The following WDR59 variants were observed in gnomAD, a reference collection of about 807,000 sequenced individuals.
The protein encoded by WDR59 is GATOR2 complex protein WDR59.
In WDR59, 100 loss-of-function variants were observed where a neutral mutation model predicts 131.2. The ratio of observed to expected loss-of-function variants is 0.76; its 90% CI spans 0.65 to 0.90. The LOEUF (loss-of-function observed/expected upper bound fraction) is 0.90. Among genes scored for constraint, WDR59 ranks in the 40% least tolerant of loss-of-function variants. WDR59 has a pLI of 0.00. For synonymous variants in WDR59, 601 were observed against 466.2 expected (o/e 1.29, Z -3.72); for missense variants, 1,203 against 1,262.2 (o/e 0.95, Z 0.71).
chr16:74,903,922 C>CAA, intron 18 of WDR59, 25 bp downstream of exon 18: 1 of 1,594,752 alleles, frequency 6.3e-7, no homozygotes, highest in Middle Eastern at 2.3e-4. Context: ...GGGTAAGAAT[C>CAA]AAAGGCTACG....
chr16:74,876,745 G>A (rs1277626870), intron 25 of WDR59, among the ~76,000 whole-genome samples: 1 of 152,132 alleles, frequency 6.6e-6, no homozygotes, highest in Non-Finnish European at 1.5e-5. Flanking sequence ...CCTCTGCCCT[G>A]TATATACACA....
chr16:74,915,246 T>C (rs1177616178), intron 13 of WDR59, among the ~76,000 whole-genome samples: 2 of 152,034 alleles, frequency 1.3e-5, no homozygotes, highest in Non-Finnish European at 2.9e-5. Context: ...CTCTGCCAAA[T>C]CACTAAGCCT....
intron 7 of WDR59, among the ~76,000 whole-genome samples, chr16:74,941,571 ATAGTCC>A (rs141325768): frequency 4.0e-5 from 6 of 151,694 alleles, no homozygotes; most frequent in African/African-American, 1.5e-4. Flanking sequence ...GTGTGCACCT[ATAGTCC>A]CAGCTACTGG....
At chr16:74,917,800 C>T (rs1030049928) in intron 11 of WDR59, 129 bp downstream of exon 11, 4 of 710,884 alleles carry the variant, frequency 5.6e-6, no homozygotes, top group South Asian at 1.9e-5. Context: ...TTCAGTGAGA[C>T]GCACTCTCAA....
chr16:74,942,069 T>A (rs1198372590), intron 7 of WDR59, among the ~76,000 whole-genome samples: 2 of 152,084 alleles, frequency 1.3e-5, no homozygotes, highest in Non-Finnish European at 2.9e-5. Flanking sequence ...GGAGGCCTTT[T>A]CCCTGTGCCA....
chr16:74,958,239 A>T (rs995288661), intron 2 of WDR59, among the ~76,000 whole-genome samples: 1 of 152,110 alleles, frequency 6.6e-6, no homozygotes, highest in Admixed American at 6.6e-5. Context: ...ACCTCCAAAG[A>T]CAAAGAAAAT....
intron 20 of WDR59, among the ~76,000 whole-genome samples, chr16:74,890,708 A>G (rs570069172): frequency 6.6e-6 from 1 of 152,190 alleles, no homozygotes; most frequent in Non-Finnish European, 1.5e-5. Context: ...TTGAAATCCC[A>G]TGGGGCCTGG....
intron 18 of WDR59, among the ~76,000 whole-genome samples, chr16:74,899,546 A>G (rs546705989): frequency 6.6e-6 from 1 of 151,882 alleles, no homozygotes; most frequent in Non-Finnish European, 1.5e-5. Context: ...TGGTGTCTGA[A>G]CTCCCCCAAG....
chr16:74,945,920 C>A (rs1183040144), intron 6 of WDR59, among the ~76,000 whole-genome samples: 1 of 150,982 alleles, frequency 6.6e-6, no homozygotes, highest in African/African-American at 2.4e-5. Context: ...CAGGTTCAAG[C>A]AATTCTCCTG....
intron 8 of WDR59, among the ~76,000 whole-genome samples, chr16:74,925,809 A>G (rs904803722): frequency 1.3e-5 from 2 of 151,782 alleles, no homozygotes; most frequent in Non-Finnish European, 2.9e-5. Flanking sequence ...TAGGTGGATC[A>G]CTTGAGGCCA....
chr16:74,896,478 T>C (rs1447081261), intron 18 of WDR59, among the ~76,000 whole-genome samples: 1 of 151,908 alleles, frequency 6.6e-6, no homozygotes, highest in Non-Finnish European at 1.5e-5. Flanking sequence ...ATACAAAATA[T>C]ACAAAAATTA....
chr16:74,887,605 G>A lies in WDR59; in HGVS notation c.2419+78C>T, dbSNP rs1292260753. The A allele has an allele frequency of 1.7e-5, 22 of 1,284,342 alleles. No individual in the cohort carries two copies. The Admixed American group carries it at 4.3e-4, about 25-fold the overall frequency. 79.6% of individuals were successfully genotyped at this position (1,284,342 alleles called of 1,614,324 possible). On this transcript the variant is annotated intron_variant, in intron 23 of 25. Transcript: ENST00000262144. The stretch of plus-strand genomic sequence containing the variant: ...AAATAAGAAAAAATATGGAGACTAA[G>A]CATCAACTAAAGGTTACATATGCAC...
Position 74,889,721 on chromosome 16 carries a change from C to G in WDR59, c.2177G>C (p.Arg726Pro). The G allele has an allele frequency of 6.2e-7, 1 of 1,613,790 alleles. No individual in the cohort carries two copies. Among genetic ancestry groups the G allele is most frequent in the Non-Finnish European group, 8.5e-7 (1 of 1,179,940 alleles). The change falls in exon 21 of 26, where the codon CGG becomes CCG. Residue 726 changes from arginine (R) to proline (P), a missense_variant. Physicochemically the swap from Arg to Pro is moderately radical, Grantham distance 103. Coordinates refer to ENST00000262144, the MANE Select transcript of WDR59 (RefSeq NM_030581.4). Reference sequence around the variant, plus strand: ...AACCTACAGGGACTCCAGCAGCTGCCGCCCAAATGGATGTCGAGCCCAGGG... The same window carrying G: ...AACCTACAGGGACTCCAGCAGCTGCGGCCCAAATGGATGTCGAGCCCAGGG... ...ETPWARHPFG[R>P]QLLESLLAHY...
intron 1 of WDR59, among the ~76,000 whole-genome samples, chr16:74,971,114 A>G (rs918102156): frequency 2.0e-5 from 3 of 152,094 alleles, no homozygotes; most frequent in Non-Finnish European, 4.4e-5. Flanking sequence ...TCCAGCTCAC[A>G]ATGTGCCAAG....
At chr16:74,967,524 G>A (rs1265547106) in intron 1 of WDR59, among the ~76,000 whole-genome samples, 1 of 152,062 alleles carries the variant, frequency 6.6e-6, no homozygotes. Context: ...TATTGGGAAG[G>A]GATTTTATGG....
In WDR59 at chr16:74,966,871, A is replaced by G. The variant is rs11643766; in HGVS notation, c.55-1049T>C. ...AACGTCTAACTCCCAAGAGACTGCAATGAGTCCAAAGAATGTGCATTCAGG... is the reference window on the plus strand; with the variant it reads ...AACGTCTAACTCCCAAGAGACTGCAGTGAGTCCAAAGAATGTGCATTCAGG... On this transcript the variant is annotated intron_variant, in intron 1 of 25. Coordinates refer to ENST00000262144, the MANE Select transcript of WDR59 (RefSeq NM_030581.4). Among the ~76,000 whole-genome samples, 8 of 152,348 alleles carry G rather than the reference A, an allele frequency of 5.3e-5. No homozygotes were observed. The East Asian group carries it at 1.2e-3, about 22-fold the overall frequency.
chr16:74,873,919 C>T lies in WDR59; in HGVS notation c.*290G>A. On this transcript the variant is annotated 3_prime_UTR_variant, in exon 26 of 26. Coordinates refer to ENST00000262144, the MANE Select transcript of WDR59 (RefSeq NM_030581.4). The stretch of plus-strand genomic sequence containing the variant: ...GTAACACTGGCCCTGGAGCCAGGTG[C>T]TTTTCTCCATGAAAACTTCCACCTT... 9.9e-6 allele frequency: 4 copies of T among 403,748 alleles called. No homozygotes were observed. Among genetic ancestry groups the T allele is most frequent in the Non-Finnish European group, 1.4e-5 (3 of 218,030 alleles). 25.0% of individuals were successfully genotyped at this position (403,748 alleles called of 1,614,324 possible).
chr16:74,907,347 G>A (rs1241621445), intron 17 of WDR59, among the ~76,000 whole-genome samples: 1 of 152,192 alleles, frequency 6.6e-6, no homozygotes, highest in African/African-American at 2.4e-5. Flanking sequence ...ACAGTGGGAG[G>A]TGATTGGATC....
chr16:74,967,746 C>G (rs929829361), intron 1 of WDR59, among the ~76,000 whole-genome samples: 1 of 151,630 alleles, frequency 6.6e-6, no homozygotes, highest in African/African-American at 2.4e-5. Flanking sequence ...GTAATCCCAG[C>G]TACTCAGGAG....
Sources: allele counts gnomAD v4.1 joint callset (sites outside exome capture counted in the v4.1 genomes callset), GRCh38; gene constraint gnomAD v4.1.1; transcripts MANE v1.5; gene names NCBI Gene and HGNC (gene_info 2026-07-23, HGNC 2026-07-21).